PCBD2: variants seen among roughly 807,000 people sequenced by gnomAD.
PCBD2 encodes the protein pterin-4-alpha-carbinolamine dehydratase 2.
A neutral mutation model predicts 16.4 loss-of-function variants in PCBD2; 12 were observed. The observed-to-expected ratio is 0.73, with a 90% confidence interval of 0.47 to 1.19. The LOEUF is 1.19. Among genes scored for constraint, PCBD2 ranks in the 50% most tolerant of loss-of-function variants. The probability of loss-of-function intolerance (pLI) is 0.00; values close to 1 mark genes in which losing one functional copy is unlikely to be tolerated. For synonymous variants in PCBD2, 58 were observed against 61.8 expected, an observed-to-expected ratio of 0.94 and a Z score of 0.29; for missense variants, 138 against 156.8, an observed-to-expected ratio of 0.88 and a Z score of 0.64.
chr5:134,918,972 A>T (rs924072788), intron 2 of PCBD2, among the ~76,000 whole-genome samples: 6 of 152,240 alleles, frequency 3.9e-5, no homozygotes, highest in African/African-American at 1.4e-4. Context: ...AGCGCATGCA[A>T]CAGATAGATG....
At chr5:134,948,083 G>A (rs1295681329) in intron 2 of PCBD2, among the ~76,000 whole-genome samples, 1 of 152,032 alleles carries the variant, frequency 6.6e-6, no homozygotes, top group Middle Eastern at 3.4e-3. Context: ...TTCTCTTGGG[G>A]TGGTTTTAAA....
chr5:134,925,588 C>T (rs1240728873), intron 2 of PCBD2: 1 of 397,904 alleles, frequency 2.5e-6, no homozygotes, highest in Non-Finnish European at 4.4e-6. Flanking sequence ...TGTAAGGGCG[C>T]AGACTGCTGC....
At chr5:134,908,237 T>G (rs571677277) in intron 1 of PCBD2, among the ~76,000 whole-genome samples, 1 of 151,534 alleles carries the variant, frequency 6.6e-6, no homozygotes, top group East Asian at 1.9e-4. Context: ...AAATGTTTTT[T>G]TTTTTTTTTT....
chr5:134,910,793 T>C (rs111901172), intron 2 of PCBD2, among the ~76,000 whole-genome samples: 4,962 of 152,188 alleles, frequency 0.033, 267 homozygotes, highest in African/African-American at 0.11. Context: ...CCTTTTATTA[T>C]TGATTATTAT....
chr5:134,931,358 T>A lies in PCBD2; in HGVS notation c.216+20892T>A, dbSNP rs375060705. 2.0e-5 allele frequency among the ~76,000 whole-genome samples: 3 copies of A among 152,342 alleles called. No individual in the cohort carries two copies. The East Asian group carries it at 5.8e-4, about 29-fold the overall frequency. On this transcript the variant is annotated intron_variant, in intron 2 of 3. Coordinates refer to ENST00000254908, the MANE Select transcript of PCBD2 (RefSeq NM_032151.5). Reference sequence around the variant, plus strand: ...ACAGGTAACTCTTAATATTGCATCATTTACCTGAAATGCAGCCAAATCAGT... The same window carrying A: ...ACAGGTAACTCTTAATATTGCATCAATTACCTGAAATGCAGCCAAATCAGT...
chr5:134,937,655 C>T (rs1392469297), intron 2 of PCBD2, among the ~76,000 whole-genome samples: 1 of 152,230 alleles, frequency 6.6e-6, no homozygotes, highest in Non-Finnish European at 1.5e-5. Context: ...CCAAAGCTGA[C>T]CTTTCACATG....
intron 2 of PCBD2, among the ~76,000 whole-genome samples, chr5:134,922,929 G>A (rs144835184): frequency 0.022 from 3,305 of 152,190 alleles, 102 homozygotes; most frequent in African/African-American, 0.069. Context: ...ACCCACCTCC[G>A]CCTCCCAAAG....
At chr5:134,925,206 C>A in intron 2 of PCBD2, 1 of 398,326 alleles carries the variant, frequency 2.5e-6, no homozygotes, top group South Asian at 1.3e-4. Context: ...AGGCGCTTGT[C>A]AGGGAGGTGG....
chr5:134,937,510 T>C (rs1734798674), intron 2 of PCBD2, among the ~76,000 whole-genome samples: 1 of 152,230 alleles, frequency 6.6e-6, no homozygotes, highest in Admixed American at 6.5e-5. Context: ...TACAATACAT[T>C]GCCTATTTAC....
chr5:134,908,868 TG>T (rs1485466569), intron 1 of PCBD2: 1 of 152,182 alleles, frequency 6.6e-6, no homozygotes, highest in Non-Finnish European at 1.5e-5. Flanking sequence ...GGGAGTGAGT[TG>T]CAGCTTAATG....
At chr5:134,923,874 GC>G in intron 2 of PCBD2, 1 of 394,640 alleles carries the variant, frequency 2.5e-6, no homozygotes. Flanking sequence ...GGCGGTTGAA[GC>G]GTCTGGTGAG....
chr5:134,954,196 A>G (rs1751390620), intron 2 of PCBD2, among the ~76,000 whole-genome samples: 1 of 152,192 alleles, frequency 6.6e-6, no homozygotes, highest in Admixed American at 6.5e-5. Flanking sequence ...TCTAGCCTCA[A>G]GCAGTTCTTC....
At chr5:134,927,496 G>T in intron 2 of PCBD2, 1 of 398,124 alleles carries the variant, frequency 2.5e-6, no homozygotes, top group South Asian at 1.3e-4. Context: ...TGGGCAGTAA[G>T]AGTGAGTAAT....
intron 2 of PCBD2, among the ~76,000 whole-genome samples, chr5:134,952,974 G>A (rs975703298): frequency 2.6e-5 from 4 of 151,554 alleles, no homozygotes; most frequent in South Asian, 2.1e-4. Context: ...CAAATTACCC[G>A]CTTCAGGACT....
intron 2 of PCBD2, among the ~76,000 whole-genome samples, chr5:134,947,327 A>T (rs563459733): frequency 6.6e-6 from 1 of 151,324 alleles, no homozygotes; most frequent in Non-Finnish European, 1.5e-5. Context: ...CCCTGACCTC[A>T]GGTAATCTGC....
intron 1 of PCBD2, among the ~76,000 whole-genome samples, chr5:134,908,595 G>A (rs1750727593): frequency 6.6e-6 from 1 of 150,906 alleles, no homozygotes; most frequent in African/African-American, 2.4e-5. Flanking sequence ...AACCTGGGAG[G>A]CAGAGGTTGC....
chr5:134,945,030 G>C (rs933517922), intron 2 of PCBD2, among the ~76,000 whole-genome samples: 5 of 152,132 alleles, frequency 3.3e-5, no homozygotes, highest in Non-Finnish European at 4.4e-5. Context: ...AGTGCTTTTG[G>C]CAAGGCTATT....
At chr5:134,915,483 G>T (rs1272655333) in intron 2 of PCBD2, among the ~76,000 whole-genome samples, 2 of 85,578 alleles carry the variant, frequency 2.3e-5, no homozygotes, top group African/African-American at 9.4e-5. Context: ...GTCTAATTCT[G>T]TTGCCCAGGC....
At chr5:134,928,458 A>T (rs373780843) in intron 2 of PCBD2, 1 of 334,092 alleles carries the variant, frequency 3.0e-6, no homozygotes, top group East Asian at 4.0e-5. Context: ...ATGATGATTA[A>T]TAAGAGGGAC....
Sources: allele counts gnomAD v4.1 joint callset (sites outside exome capture counted in the v4.1 genomes callset), GRCh38; gene constraint gnomAD v4.1.1; transcripts MANE v1.5; gene names NCBI Gene and HGNC (gene_info 2026-07-23, HGNC 2026-07-21).